Variants in RGL1 observed in about 807,000 individuals in gnomAD.
The protein encoded by RGL1 is ral guanine nucleotide dissociation stimulator like 1.
A neutral mutation model predicts 95.2 loss-of-function variants in RGL1; 24 were observed. That is an observed-to-expected ratio of 0.25 (90% CI 0.18 to 0.35). The LOEUF is 0.35. Among genes scored for constraint, RGL1 ranks in the 10% least tolerant of loss-of-function variants. The pLI, the probability that RGL1 is intolerant of heterozygous loss-of-function variation, is 1.00. For synonymous variants in RGL1, 329 were observed against 344.9 expected (o/e 0.95, Z 0.51); for missense variants, 715 against 936.3 (o/e 0.76, Z 3.08).
intron 1 of RGL1, among the ~76,000 whole-genome samples, chr1:183,730,504 A>G (rs1285338157): frequency 6.6e-6 from 1 of 152,084 alleles, no homozygotes. Context: ...TTATATTTAA[A>G]ATTGATGTCA....
chr1:183,669,562 A>T (rs1000167001), intron 1 of RGL1, among the ~76,000 whole-genome samples: 1 of 152,080 alleles, frequency 6.6e-6, no homozygotes, highest in Admixed American at 6.5e-5. Context: ...TTTGTCTTTT[A>T]GTTTGCCTTA....
chr1:183,856,138 A>C (rs1272026453), intron 3 of RGL1, among the ~76,000 whole-genome samples: 1 of 152,110 alleles, frequency 6.6e-6, no homozygotes, highest in Non-Finnish European at 1.5e-5. Context: ...GAATATCCTG[A>C]CTAGGGTGAG....
chr1:183,705,907 G>T (rs567333648), intron 1 of RGL1, among the ~76,000 whole-genome samples: 3 of 152,144 alleles, frequency 2.0e-5, no homozygotes, highest in African/African-American at 7.2e-5. Flanking sequence ...CTGCTTGGGG[G>T]ATGGGATACT....
At chr1:183,772,409 G>A (rs1461553111) in intron 2 of RGL1, among the ~76,000 whole-genome samples, 4 of 152,176 alleles carry the variant, frequency 2.6e-5, no homozygotes, top group Non-Finnish European at 5.9e-5. Flanking sequence ...AGGGGGACAA[G>A]GGAACCTTTC....
At chr1:183,728,199 C>G (rs911124931) in intron 1 of RGL1, among the ~76,000 whole-genome samples, 1 of 152,142 alleles carries the variant, frequency 6.6e-6, no homozygotes, top group Admixed American at 6.5e-5. Flanking sequence ...ATCATCAGTT[C>G]TACTGATTCT....
chr1:183,697,274 T>C (rs1216524886), intron 1 of RGL1, among the ~76,000 whole-genome samples: 1 of 152,218 alleles, frequency 6.6e-6, no homozygotes, highest in Non-Finnish European at 1.5e-5. Flanking sequence ...CCCAACCTTT[T>C]AAAAATTGTA....
intron 3 of RGL1, among the ~76,000 whole-genome samples, chr1:183,852,829 A>G (rs1188396956): frequency 1.3e-5 from 2 of 152,058 alleles, no homozygotes; most frequent in African/African-American, 2.4e-5. Flanking sequence ...TCTCTCCACC[A>G]TACCATTTTA....
At chr1:183,670,147 A>G (rs373946102) in intron 1 of RGL1, among the ~76,000 whole-genome samples, 2 of 152,022 alleles carry the variant, frequency 1.3e-5, no homozygotes, top group African/African-American at 4.8e-5. Flanking sequence ...ATCTCTCTCC[A>G]TCTCCCCACT....
At chr1:183,868,815 A>G (rs1418688489) in intron 4 of RGL1, among the ~76,000 whole-genome samples, 3 of 152,196 alleles carry the variant, frequency 2.0e-5, no homozygotes, top group Non-Finnish European at 2.9e-5. Context: ...GAGAGTCACA[A>G]TCAAAAATAT....
intron 2 of RGL1, among the ~76,000 whole-genome samples, chr1:183,751,671 C>T (rs1390642543): frequency 5.3e-5 from 8 of 152,188 alleles, no homozygotes; most frequent in Non-Finnish European, 1.2e-4. Flanking sequence ...ACCCAGGGCC[C>T]TGGTGGTGTA....
intron 1 of RGL1, among the ~76,000 whole-genome samples, chr1:183,662,274 C>T (rs1157451318): frequency 6.6e-6 from 1 of 150,542 alleles, no homozygotes; most frequent in Non-Finnish European, 1.5e-5. Flanking sequence ...TCAAATTGTC[C>T]CTGTTTGCAG....
chr1:183,812,466 C>T (rs1661792947), intron 2 of RGL1, among the ~76,000 whole-genome samples: 1 of 152,196 alleles, frequency 6.6e-6, no homozygotes, highest in South Asian at 2.1e-4. Context: ...CTAAACTCTC[C>T]TTCCATACCA....
intron 1 of RGL1, among the ~76,000 whole-genome samples, chr1:183,667,272 C>G (rs1311729660): frequency 6.6e-6 from 1 of 151,998 alleles, no homozygotes; most frequent in Non-Finnish European, 1.5e-5. Context: ...TTTTTTAGAT[C>G]ATTCTGGCAA....
intron 2 of RGL1, among the ~76,000 whole-genome samples, chr1:183,792,563 A>G (rs1212579678): frequency 3.3e-5 from 5 of 152,138 alleles, no homozygotes; most frequent in Non-Finnish European, 5.9e-5. Flanking sequence ...GATCTTATAT[A>G]TACATAAACC....
chr1:183,660,015 T>G (rs1174667), intron 1 of RGL1, among the ~76,000 whole-genome samples: 45,980 of 151,574 alleles, frequency 0.3, 7,355 homozygotes, highest in Middle Eastern at 0.38. Flanking sequence ...GCTGAGAGAT[T>G]TTGTCACCAC....
At chr1:183,781,741 T>C (rs1332380817) in intron 2 of RGL1, among the ~76,000 whole-genome samples, 4 of 152,202 alleles carry the variant, frequency 2.6e-5, no homozygotes, top group African/African-American at 9.7e-5. Context: ...TTAGAAATCT[T>C]TTCATGTTGG....
At chr1:183,900,115 A>G (rs1342006155) in intron 10 of RGL1, 35 bp from the exon 11 acceptor site, 1 of 1,563,194 alleles carries the variant, frequency 6.4e-7, no homozygotes, top group African/African-American at 1.4e-5. Flanking sequence ...CTTTTCAATG[A>G]CAATAAAGAC....
At chr1:183,785,697 A>T (rs1428213691) in intron 2 of RGL1, among the ~76,000 whole-genome samples, 6 of 152,352 alleles carry the variant, frequency 3.9e-5, no homozygotes, top group African/African-American at 1.2e-4. Flanking sequence ...TGGCATTGGG[A>T]ATGAAAAGGA....
chr1:183,806,570 C>CT (rs368701909), intron 2 of RGL1, 85 bp downstream of exon 2: 17,556 of 721,202 alleles, frequency 0.024, 24 homozygotes, highest in African/African-American at 0.037. Context: ...CAGAGGCAGG[C>CT]TTTTTTTTTT....
Sources: allele counts gnomAD v4.1 joint callset (sites outside exome capture counted in the v4.1 genomes callset), GRCh38; gene constraint gnomAD v4.1.1; transcripts MANE v1.5; gene names NCBI Gene and HGNC (gene_info 2026-07-23, HGNC 2026-07-21).